The following CMC2 variants were observed in gnomAD, a reference collection of about 807,000 sequenced individuals.
CMC2 encodes C-X9-C motif containing 2, also known as COX assembly mitochondrial protein 2 homolog.
CMC2 carries 5 observed loss-of-function variants against 7.5 expected under a neutral mutation model. The observed-to-expected ratio is 0.66, with a 90% CI of 0.35 to 1.40. The LOEUF is 1.40. CMC2 is among the 40% of genes most tolerant of loss of function. CMC2 has a pLI of 0.04. For synonymous variants in CMC2, 37 were observed against 31.4 expected, an observed-to-expected ratio of 1.18 and a Z score of -0.60; for missense variants, 115 against 92.3, an observed-to-expected ratio of 1.25 and a Z score of -1.01.
chr16:80,992,547 T>G (rs957026606), intron 2 of CMC2, among the ~76,000 whole-genome samples: 1 of 152,200 alleles, frequency 6.6e-6, no homozygotes, highest in African/African-American at 2.4e-5. Flanking sequence ...CCCCTGCAGA[T>G]AAGTAATGGT....
chr16:80,975,865 G>T lies in CMC2; in HGVS notation c.*228C>A, dbSNP rs986589273. ...GATATTAACTGGTTGTAGGCAAAGG[G>T]AATAAACATGGTGAAGTCAGGTTTG... On this transcript the variant is annotated 3_prime_UTR_variant, in exon 4 of 4. Coordinates refer to ENST00000219400, the MANE Select transcript of CMC2 (RefSeq NM_020188.5). 4.8e-6 allele frequency: 2 copies of T among 414,862 alleles called. No homozygotes were observed. The highest frequency in any genetic ancestry group is 8.6e-6 in the Non-Finnish European group (2 of 233,340). The allele number at this position is 414,862 out of a possible 1,614,324, so 25.7% of individuals were successfully genotyped here.
At chr16:80,980,761 G>A (rs748029150) in intron 3 of CMC2, 3 of 687,072 alleles carry the variant, frequency 4.4e-6, no homozygotes, top group South Asian at 3.1e-5. Flanking sequence ...CAGGCATGGT[G>A]GTACGCACCT....
At chr16:80,981,718 A>G (rs1269800753) in intron 3 of CMC2, 88 bp downstream of exon 3, 4 of 802,336 alleles carry the variant, frequency 5.0e-6, no homozygotes, top group Non-Finnish European at 7.8e-6. Context: ...AAAATGTGGG[A>G]AAAATTCAAT....
At chr16:81,006,672 A>G (rs1349755) in intron 1 of CMC2, 62 bp downstream of exon 1, 973,299 of 980,070 alleles carry the variant, frequency 0.99, 483,613 homozygotes, top group East Asian at 1. Context: ...GGGACGCGCC[A>G]TCAGGGACCT....
chr16:80,981,979 C>T, intron 2 of CMC2, 102 bp from the exon 3 acceptor site: 1 of 647,682 alleles, frequency 1.5e-6, no homozygotes. Flanking sequence ...TACAGTGTCA[C>T]TTTGTTAATA....
chr16:80,977,076 C>G (rs1912472661), intron 3 of CMC2, among the ~76,000 whole-genome samples: 1 of 152,210 alleles, frequency 6.6e-6, no homozygotes, highest in Admixed American at 6.5e-5. Flanking sequence ...TCAAGAGTAA[C>G]TAGCTCTTAG....
chr16:80,997,014 T>C (rs1968472787), intron 2 of CMC2: 4 of 486,252 alleles, frequency 8.2e-6, no homozygotes, highest in Non-Finnish European at 1.6e-5. Context: ...ATAACTGTTC[T>C]AGTGCCCTAT....
intron 2 of CMC2, among the ~76,000 whole-genome samples, chr16:80,987,896 C>A (rs1967661642): frequency 6.6e-6 from 1 of 152,046 alleles, no homozygotes; most frequent in Non-Finnish European, 1.5e-5. Context: ...TGGGATCAGG[C>A]CAGGCACAGT....
At chr16:80,982,267 G>C (rs1173466678) in intron 2 of CMC2, 1 of 155,386 alleles carries the variant, frequency 6.4e-6, no homozygotes, top group Non-Finnish European at 1.4e-5. Flanking sequence ...CACTTTGGGA[G>C]GCCAAGACGG....
At chr16:81,005,149 C>T (rs954629593) in intron 1 of CMC2, among the ~76,000 whole-genome samples, 2 of 152,240 alleles carry the variant, frequency 1.3e-5, no homozygotes, top group Non-Finnish European at 2.9e-5. Flanking sequence ...TCTTTTTAGG[C>T]TAGGCGCGGT....
chr16:80,990,937 T>C (rs1348179660), intron 2 of CMC2, among the ~76,000 whole-genome samples: 1 of 151,692 alleles, frequency 6.6e-6, no homozygotes, highest in African/African-American at 2.4e-5. Flanking sequence ...ATGTTGCCCA[T>C]GTAGGTCTTG....
intron 1 of CMC2, among the ~76,000 whole-genome samples, chr16:81,004,238 T>C (rs978988858): frequency 6.6e-6 from 1 of 151,676 alleles, no homozygotes; most frequent in Non-Finnish European, 1.5e-5. Flanking sequence ...ATAATAATTA[T>C]GAACATCAGC....
At chr16:80,983,209 G>A (rs578159761) in intron 2 of CMC2, 2 of 150,480 alleles carry the variant, frequency 1.3e-5, no homozygotes, top group East Asian at 3.9e-4. Context: ...AAGGCTTTCA[G>A]ACAACAGGAA....
intron 1 of CMC2, among the ~76,000 whole-genome samples, chr16:81,000,966 T>C (rs1207377514): frequency 3.3e-5 from 5 of 152,176 alleles, no homozygotes; most frequent in African/African-American, 4.8e-5. Context: ...CAGTAATGGA[T>C]TGGATAAAGA....
chr16:80,986,503 C>G (rs1300498223), intron 2 of CMC2, among the ~76,000 whole-genome samples: 1 of 150,990 alleles, frequency 6.6e-6, no homozygotes, highest in Non-Finnish European at 1.5e-5. Flanking sequence ...TTTGAAAGAT[C>G]ACTCTAAATC....
At chr16:80,999,051 C>T (rs1022015588) in intron 1 of CMC2, 13 of 152,226 alleles carry the variant, frequency 8.5e-5, no homozygotes, top group African/African-American at 1.7e-4. Flanking sequence ...AGGATGCCCG[C>T]TCTCACCACT....
chr16:80,984,293 C>T (rs1410323762), intron 2 of CMC2, among the ~76,000 whole-genome samples: 1 of 152,168 alleles, frequency 6.6e-6, no homozygotes, highest in African/African-American at 2.4e-5. Flanking sequence ...AATGACAGGT[C>T]ATAAATGCTG....
chr16:80,998,262 TA>T (rs1218223464), intron 1 of CMC2: 1 of 151,982 alleles, frequency 6.6e-6, no homozygotes, highest in Non-Finnish European at 1.5e-5. Flanking sequence ...CAGAAATGAT[TA>T]CCAAAAGAAA....
At chr16:80,985,265 T>C (rs1967432531) in intron 2 of CMC2, among the ~76,000 whole-genome samples, 1 of 152,142 alleles carries the variant, frequency 6.6e-6, no homozygotes, top group Non-Finnish European at 1.5e-5. Context: ...ACAAAAACAT[T>C]TGTTTTGTTC....
Sources: allele counts gnomAD v4.1 joint callset (sites outside exome capture counted in the v4.1 genomes callset), GRCh38; gene constraint gnomAD v4.1.1; transcripts MANE v1.5; gene names NCBI Gene and HGNC (gene_info 2026-07-23, HGNC 2026-07-21).